The following MDFIC2 variants were observed in gnomAD, a reference collection of about 807,000 sequenced individuals.
MDFIC2 encodes the protein MyoD family inhibitor domain containing 2, also known as myoD family inhibitor domain-containing protein 2.
chr3:70,311,666 T>A (rs1276592254), intron 2 of MDFIC2, among the ~76,000 whole-genome samples: 1 of 152,092 alleles, frequency 6.6e-6, no homozygotes, highest in Non-Finnish European at 1.5e-5. Flanking sequence ...AATCTATGTT[T>A]CCTGCAATAC....
chr3:70,234,233 A>G (rs1701587869), intron 2 of MDFIC2, among the ~76,000 whole-genome samples: 1 of 152,204 alleles, frequency 6.6e-6, no homozygotes, highest in African/African-American at 2.4e-5. Flanking sequence ...GGCTGGGTTG[A>G]CACCTAAAAA....
intron 2 of MDFIC2, among the ~76,000 whole-genome samples, chr3:70,277,460 G>T (rs1702038746): frequency 6.6e-6 from 1 of 152,112 alleles, no homozygotes; most frequent in Non-Finnish European, 1.5e-5. Context: ...ACACTATAAT[G>T]ACGGCTCTTG....
At chr3:70,233,870 A>C (rs1164717773) in intron 2 of MDFIC2, among the ~76,000 whole-genome samples, 2 of 152,176 alleles carry the variant, frequency 1.3e-5, no homozygotes, top group African/African-American at 4.8e-5. Flanking sequence ...ACCTTAATTC[A>C]GTTTATCTAT....
chr3:70,271,438 C>A (rs1701974928), intron 2 of MDFIC2, among the ~76,000 whole-genome samples: 1 of 152,164 alleles, frequency 6.6e-6, no homozygotes, highest in Admixed American at 6.5e-5. Flanking sequence ...ATCATCAAAT[C>A]TGTTTTTCAG....
chr3:70,238,372 G>A (rs1365827640), intron 2 of MDFIC2, among the ~76,000 whole-genome samples: 1 of 152,020 alleles, frequency 6.6e-6, no homozygotes, highest in African/African-American at 2.4e-5. Context: ...TTTTGGGGAG[G>A]CTGAGGCAAG....
At chr3:70,287,496 T>C (rs1029923216) in intron 2 of MDFIC2, among the ~76,000 whole-genome samples, 11 of 151,892 alleles carry the variant, frequency 7.2e-5, no homozygotes, top group South Asian at 2.1e-4. Flanking sequence ...CAATGTTCAT[T>C]AAGGATATTG....
intron 2 of MDFIC2, among the ~76,000 whole-genome samples, chr3:70,259,334 C>A (rs1701844634): frequency 6.6e-6 from 1 of 151,934 alleles, no homozygotes; most frequent in South Asian, 2.1e-4. Context: ...GACTCCAGCT[C>A]TTTAGAGGAT....
chr3:70,238,308 T>A (rs960335976), intron 2 of MDFIC2, among the ~76,000 whole-genome samples: 3 of 152,100 alleles, frequency 2.0e-5, no homozygotes, highest in Non-Finnish European at 2.9e-5. Context: ...TTCTGCCATG[T>A]GTAAAAAGTC....
In MDFIC2 at chr3:70,281,885, G is replaced by A. The variant is rs116016390; in HGVS notation, c.88+30001C>T. On this transcript the variant is annotated intron_variant, in intron 2 of 3. Coordinates refer to ENST00000567252, the MANE Select transcript of MDFIC2 (RefSeq NM_001364677.1). The stretch of plus-strand genomic sequence containing the variant: ...TTCTAGTTCATCATACCTTGGGTGA[G>A]GCCCATGAAATCTTCAGTTTTAAAA... Among the ~76,000 whole-genome samples, 380 of 152,232 alleles carry A rather than the reference G, an allele frequency of 2.5e-3. 3 individuals carry two copies. Among genetic ancestry groups the A allele is most frequent in the African/African-American group, 8.6e-3 (356 of 41,556 alleles).
chr3:70,277,523 A>G (rs1702039454), intron 2 of MDFIC2, among the ~76,000 whole-genome samples: 1 of 152,200 alleles, frequency 6.6e-6, no homozygotes, highest in Non-Finnish European at 1.5e-5. Context: ...CTGAACGAAC[A>G]GACCGCTTTT....
chr3:70,209,696 T>C (rs554751356), intron 2 of MDFIC2, among the ~76,000 whole-genome samples: 37 of 152,104 alleles, frequency 2.4e-4, no homozygotes, highest in Non-Finnish European at 4.0e-4. Context: ...TGCAATGTTT[T>C]CTCTGATTTA....
intron 2 of MDFIC2, among the ~76,000 whole-genome samples, chr3:70,246,166 A>C (rs1701706919): frequency 6.6e-6 from 1 of 152,024 alleles, no homozygotes. Context: ...TAAAAGCATA[A>C]AGTATTGACA....
rs537610905 is a variant in MDFIC2 at position 70,196,138 on chromosome 3, G to A, written c.*788C>T. 4.1e-4 allele frequency among the ~76,000 whole-genome samples: 63 copies of A among 152,280 alleles called. No individual in the cohort carries two copies. The Middle Eastern group carries it at 0.01, about 25-fold the overall frequency. On this transcript the variant is annotated 3_prime_UTR_variant, in exon 4 of 4. Transcript: ENST00000567252. Reference sequence around the variant, plus strand: ...GACAAATAAAAATGAAGAAAGTGAAGAATTGAGATTTTTTTGAAACTTGCA... The same window carrying A: ...GACAAATAAAAATGAAGAAAGTGAAAAATTGAGATTTTTTTGAAACTTGCA...
chr3:70,277,105 T>C (rs1702034626), intron 2 of MDFIC2, among the ~76,000 whole-genome samples: 2 of 152,120 alleles, frequency 1.3e-5, no homozygotes, highest in Admixed American at 6.6e-5. Flanking sequence ...GTGAGAAACA[T>C]TGGCTAAGTC....
chr3:70,290,739 C>T (rs1702228772), intron 2 of MDFIC2, among the ~76,000 whole-genome samples: 1 of 152,300 alleles, frequency 6.6e-6, no homozygotes, highest in Non-Finnish European at 1.5e-5. Flanking sequence ...CCCTCCGAGC[C>T]AGGTGCAGGT....
rs1001714271 is a variant in MDFIC2 at position 70,223,542 on chromosome 3, G to A, written c.89-16752C>T. 4.6e-5 allele frequency among the ~76,000 whole-genome samples: 7 copies of A among 152,100 alleles called. 1 individual carries two copies. The highest frequency in any genetic ancestry group is 4.6e-4 in the Admixed American group (7 of 15,252). ...TAGCGCAGTGCCTCAATTTGGAAAG[G>A]CTGAGGTTGTCTCCCCCACCAAAAA... On this transcript the variant is annotated intron_variant, in intron 2 of 3. Coordinates refer to ENST00000567252, the MANE Select transcript of MDFIC2 (RefSeq NM_001364677.1).
intron 2 of MDFIC2, among the ~76,000 whole-genome samples, chr3:70,234,913 C>A (rs1334632233): frequency 1.3e-5 from 2 of 152,138 alleles, no homozygotes; most frequent in African/African-American, 4.8e-5. Context: ...ACATCTTCAG[C>A]CTGAAGAAAC....
At chr3:70,298,631 C>T (rs1003897937) in intron 2 of MDFIC2, among the ~76,000 whole-genome samples, 9 of 152,092 alleles carry the variant, frequency 5.9e-5, no homozygotes, top group Admixed American at 2.6e-4. Context: ...TGCTGAAGCT[C>T]GTGTTTAGGG....
chr3:70,235,282 T>A (rs1001409485), intron 2 of MDFIC2, among the ~76,000 whole-genome samples: 1 of 152,202 alleles, frequency 6.6e-6, no homozygotes, highest in Non-Finnish European at 1.5e-5. Flanking sequence ...CTGGATGCAT[T>A]CTTAGGTGTA....
Sources: allele counts gnomAD v4.1 joint callset (sites outside exome capture counted in the v4.1 genomes callset), GRCh38; gene constraint gnomAD v4.1.1; transcripts MANE v1.5; gene names NCBI Gene and HGNC (gene_info 2026-07-23, HGNC 2026-07-21).